The following CCDC149 variants were observed in gnomAD, a reference collection of about 807,000 sequenced individuals.
The protein encoded by CCDC149 is coiled-coil domain containing 149, also known as coiled-coil domain-containing protein 149.
In CCDC149, 45 loss-of-function variants were observed where a neutral mutation model predicts 59.9. The observed-to-expected ratio is 0.75, with a 90% confidence interval of 0.59 to 0.96. The LOEUF (loss-of-function observed/expected upper bound fraction) is 0.96. Among genes scored for constraint, CCDC149 ranks in the 40% least tolerant of loss-of-function variants. The probability of loss-of-function intolerance (pLI) is 0.00; values close to 1 mark genes in which losing one functional copy is unlikely to be tolerated. For synonymous variants in CCDC149, 245 were observed against 260.6 expected, an observed-to-expected ratio of 0.94 and a Z score of 0.58; for missense variants, 584 against 664.7, an observed-to-expected ratio of 0.88 and a Z score of 1.33.
At chr4:24,887,136 C>T (rs1720230139) in intron 1 of CCDC149, among the ~76,000 whole-genome samples, 1 of 151,946 alleles carries the variant, frequency 6.6e-6, no homozygotes, top group Admixed American at 6.6e-5. Flanking sequence ...TTTTATCTGC[C>T]CTAAAGCAAA....
chr4:24,918,474 A>G (rs973348013), intron 1 of CCDC149, among the ~76,000 whole-genome samples: 1 of 152,216 alleles, frequency 6.6e-6, no homozygotes, highest in African/African-American at 2.4e-5. Context: ...AGTTGGTAGC[A>G]ACCTCTCTAG....
At chr4:24,961,036 T>C (rs1364511156) in intron 1 of CCDC149, among the ~76,000 whole-genome samples, 1 of 152,228 alleles carries the variant, frequency 6.6e-6, no homozygotes, top group Admixed American at 6.5e-5. Context: ...TCACCCAACA[T>C]AGATCTGAAC....
At chr4:24,978,292 A>C (rs1267403057) in intron 1 of CCDC149, among the ~76,000 whole-genome samples, 1 of 152,196 alleles carries the variant, frequency 6.6e-6, no homozygotes, top group Non-Finnish European at 1.5e-5. Context: ...TTTTTAAATA[A>C]TATAAATATC....
At chr4:24,813,098 T>C (rs1473675487) in intron 12 of CCDC149, among the ~76,000 whole-genome samples, 1 of 151,986 alleles carries the variant, frequency 6.6e-6, no homozygotes, top group African/African-American at 2.4e-5. Flanking sequence ...GTTAGATGAG[T>C]CATGAAATGG....
chr4:24,954,131 C>T (rs1001244959), intron 1 of CCDC149, among the ~76,000 whole-genome samples: 1 of 152,118 alleles, frequency 6.6e-6, no homozygotes, highest in Non-Finnish European at 1.5e-5. Flanking sequence ...TGAAAACTTC[C>T]CAAATTTTAT....
chr4:24,864,487 T>A (rs1205879888), intron 3 of CCDC149, among the ~76,000 whole-genome samples: 3 of 152,160 alleles, frequency 2.0e-5, no homozygotes, highest in Admixed American at 6.5e-5. Flanking sequence ...CGACTCCCTG[T>A]GATTTCATCT....
At chr4:24,861,984 T>C (rs1288195355) in intron 3 of CCDC149, among the ~76,000 whole-genome samples, 2 of 152,106 alleles carry the variant, frequency 1.3e-5, no homozygotes, top group Non-Finnish European at 1.5e-5. Context: ...AAAGCAGACA[T>C]ACATTTCCCT....
intron 4 of CCDC149, among the ~76,000 whole-genome samples, chr4:24,851,955 A>C (rs1199745447): frequency 6.6e-6 from 1 of 152,040 alleles, no homozygotes; most frequent in East Asian, 1.9e-4. Context: ...CTAAGTTTTC[A>C]AATTTATGTT....
Position 24,837,830 on chromosome 4 carries a change from G to A in CCDC149, c.489+326C>T, listed in dbSNP as rs1716640353. Reference sequence around the variant, plus strand: ...CACTTGTTGAGATTTTGCCTAAGAGGCACTGCTCAGCATTTTAGCAGAAAC... The same window carrying A: ...CACTTGTTGAGATTTTGCCTAAGAGACACTGCTCAGCATTTTAGCAGAAAC... On this transcript the variant is annotated intron_variant, in intron 5 of 12. Transcript: ENST00000635206. This position sits in a 1 kb window ranked among gnomAD's most constrained non-coding sequence, Gnocchi z 4.3. Among the ~76,000 whole-genome samples the A allele has an allele frequency of 6.6e-6, 1 of 152,196 alleles. No homozygotes were observed. Among genetic ancestry groups the A allele is most frequent in the East Asian group, 1.9e-4 (1 of 5,196 alleles).
At chr4:24,874,244 G>GTTTTTTTTTTTTTTGTTTTTT (rs1719242804) in intron 2 of CCDC149, among the ~76,000 whole-genome samples, 2 of 87,486 alleles carry the variant, frequency 2.3e-5, no homozygotes, top group African/African-American at 1.2e-4. Flanking sequence ...TATTAGATTT[G>GTTTTTTTTTTTTTTGTTTTTT]TTTTTTTTTT....
At chr4:24,841,657 C>T (rs548983879) in intron 4 of CCDC149, among the ~76,000 whole-genome samples, 2 of 152,212 alleles carry the variant, frequency 1.3e-5, no homozygotes, top group Admixed American at 6.5e-5. Flanking sequence ...TCCTGCCTTC[C>T]GAGCTGACAG....
At chr4:24,943,061 T>G (rs1336553414) in intron 1 of CCDC149, among the ~76,000 whole-genome samples, 2 of 151,448 alleles carry the variant, frequency 1.3e-5, no homozygotes, top group African/African-American at 4.9e-5. Flanking sequence ...AAAGTTCATA[T>G]GGAACCAAAA....
intron 1 of CCDC149, among the ~76,000 whole-genome samples, chr4:24,900,786 C>T (rs908678299): frequency 2.6e-5 from 4 of 152,194 alleles, no homozygotes; most frequent in African/African-American, 9.7e-5. Context: ...GGGGTTCCAC[C>T]CCACCTTAAA....
intron 9 of CCDC149, chr4:24,830,548 A>G (rs1404223519): frequency 6.6e-6 from 1 of 151,932 alleles, no homozygotes; most frequent in Admixed American, 6.6e-5. Flanking sequence ...AATACTTTCA[A>G]TCATTTTCCA....
intron 3 of CCDC149, among the ~76,000 whole-genome samples, chr4:24,871,693 A>G (rs1341043850): frequency 6.6e-6 from 1 of 152,234 alleles, no homozygotes; most frequent in Non-Finnish European, 1.5e-5. Flanking sequence ...AAGGCTGCAG[A>G]GCCCAAGCTC....
intron 1 of CCDC149, among the ~76,000 whole-genome samples, chr4:24,893,197 T>G (rs963807510): frequency 5.9e-5 from 9 of 152,204 alleles, no homozygotes. Flanking sequence ...TGCCACATAG[T>G]GGTCTGCAAA....
chr4:24,869,904 G>A (rs563735487), intron 3 of CCDC149, among the ~76,000 whole-genome samples: 1 of 152,324 alleles, frequency 6.6e-6, no homozygotes, highest in South Asian at 2.1e-4. Context: ...AAGTCGATGA[G>A]TGTATAGCAG....
At chr4:24,936,934 T>C (rs1015683378) in intron 1 of CCDC149, among the ~76,000 whole-genome samples, 3 of 152,230 alleles carry the variant, frequency 2.0e-5, no homozygotes, top group Non-Finnish European at 2.9e-5. Context: ...AAATCAGTTT[T>C]AATTACAGAC....
At chr4:24,961,935 G>A (rs937572261) in intron 1 of CCDC149, among the ~76,000 whole-genome samples, 11 of 151,850 alleles carry the variant, frequency 7.2e-5, no homozygotes, top group African/African-American at 2.7e-4. Flanking sequence ...AAAAGCAATG[G>A]CAACAAAAGC....
Sources: gnomAD v4.1 joint callset for allele counts (sites outside exome capture counted in the v4.1 genomes callset) on GRCh38, gnomAD v4.1.1 for gene constraint, Gnocchi (gnomAD v3.1) non-coding constraint, MANE v1.5 for transcripts, NCBI Gene and HGNC (gene_info 2026-07-23, HGNC 2026-07-21) for gene names.